The following ZNF469 variants were observed in gnomAD, a reference collection of about 807,000 sequenced individuals.
ZNF469 encodes zinc finger protein 469.
ZNF469 carries 1 observed loss-of-function variant against 1.0 expected under a neutral mutation model. That is an observed-to-expected ratio of 1.00 (90% CI 0.35 to 4.73). The LOEUF is 4.73. Ranked by LOEUF, ZNF469 falls within the 30% of genes most tolerant of loss-of-function variation. ZNF469 has a pLI of 0.16. For synonymous variants in ZNF469, 2,703 were observed against 2,363.4 expected (o/e 1.14, Z -4.17); for missense variants, 6,100 against 5,356.3 (o/e 1.14, Z -4.33).
At chr16:88,156,366 C>T in the ZNF469 span, among the ~76,000 whole-genome samples, 4 of 152,182 alleles carry the variant, frequency 2.6e-5, no homozygotes, top group African/African-American at 4.8e-5. Flanking sequence ...TATAGTCTTA[C>T]GTCTTACATT....
the ZNF469 span, among the ~76,000 whole-genome samples, chr16:88,219,862 C>G: frequency 3.3e-5 from 5 of 152,160 alleles, no homozygotes; most frequent in Non-Finnish European, 7.3e-5. Flanking sequence ...CCAGAAGTGG[C>G]CCTCCGTGGG....
the ZNF469 span, among the ~76,000 whole-genome samples, chr16:88,188,331 G>C: frequency 4.6e-5 from 7 of 152,066 alleles, no homozygotes; most frequent in East Asian, 1.4e-3. Context: ...GCACATCTTG[G>C]GGGACCATCT....
chr16:88,287,616 C>G, the ZNF469 span, among the ~76,000 whole-genome samples: 1 of 152,208 alleles, frequency 6.6e-6, no homozygotes, highest in Non-Finnish European at 1.5e-5. Flanking sequence ...CACTTAAAGC[C>G]TTAAAACATT....
rs1478895170 is a variant in ZNF469 at position 88,429,854 on chromosome 16, A to G, written c.2384A>G (p.Lys795Arg). 6.5e-7 allele frequency: 1 copy of G among 1,549,782 alleles called. No individual in the cohort carries two copies. The highest frequency in any genetic ancestry group is 8.7e-7 in the Non-Finnish European group (1 of 1,146,690). ...DAHAGLLSHA[K>R]TFLLAGDAQA... ...CACGCGGGCTTGCTCAGCCACGCGA[A>G]GACCTTCCTGTTAGCTGGGGACGCC... The change falls in exon 3 of 3, where the codon AAG becomes AGG. Residue 795 changes from lysine (K) to arginine (R), a missense_variant. Physicochemically the swap from Lys to Arg is conservative, Grantham distance 26. Transcript: ENST00000565624.
At chr16:88,363,750 C>T in the ZNF469 span, among the ~76,000 whole-genome samples, 153 of 152,254 alleles carry the variant, frequency 1.0e-3, no homozygotes, top group African/African-American at 3.5e-3. Context: ...CAGAAAACAC[C>T]ACAAATACTC....
At chr16:88,135,522 C>G in the ZNF469 span, among the ~76,000 whole-genome samples, 1 of 152,172 alleles carries the variant, frequency 6.6e-6, no homozygotes, top group African/African-American at 2.4e-5. Flanking sequence ...GGGGTGAAAA[C>G]TTGGGGTGTT....
At chr16:88,337,713 G>T in the ZNF469 span, among the ~76,000 whole-genome samples, 1 of 152,202 alleles carries the variant, frequency 6.6e-6, no homozygotes, top group Non-Finnish European at 1.5e-5. Context: ...CCCCACGGGC[G>T]TCAGGGGCAG....
At chr16:88,238,573 A>G in the ZNF469 span, among the ~76,000 whole-genome samples, 5 of 152,234 alleles carry the variant, frequency 3.3e-5, no homozygotes, top group Non-Finnish European at 5.9e-5. Context: ...GCCACTGTCC[A>G]GGTCCTCTCT....
At chr16:88,319,175 A>G in the ZNF469 span, among the ~76,000 whole-genome samples, 1 of 152,132 alleles carries the variant, frequency 6.6e-6, no homozygotes, top group Non-Finnish European at 1.5e-5. Context: ...CCTCACAGAC[A>G]GATGGAAGAG....
chr16:88,422,928 T>G (rs1905538427), intron 1 of ZNF469, among the ~76,000 whole-genome samples: 1 of 136,072 alleles, frequency 7.3e-6, no homozygotes, highest in African/African-American at 2.8e-5. Context: ...GGATGGGTGA[T>G]GGATGGGTGG....
the ZNF469 span, among the ~76,000 whole-genome samples, chr16:88,366,955 C>A: frequency 6.6e-6 from 1 of 152,098 alleles, no homozygotes; most frequent in African/African-American, 2.4e-5. Context: ...ACAGTGCTAA[C>A]ATGATCTCTG....
At chr16:88,176,109 G>A in the ZNF469 span, among the ~76,000 whole-genome samples, 7 of 152,008 alleles carry the variant, frequency 4.6e-5, no homozygotes, top group South Asian at 1.5e-3. Flanking sequence ...GGGCTGGGGG[G>A]TCTCAGCCTG....
chr16:88,323,635 T>G, the ZNF469 span, among the ~76,000 whole-genome samples: 1 of 152,144 alleles, frequency 6.6e-6, no homozygotes, highest in Admixed American at 6.5e-5. Context: ...AGGATCTCCC[T>G]GACCCCCACT....
chr16:88,251,536 GTCTTTTTTTTTTTT>G, the ZNF469 span, among the ~76,000 whole-genome samples: 1 of 78,796 alleles, frequency 1.3e-5, no homozygotes, highest in African/African-American at 5.3e-5. Context: ...TGTCCCTGCT[GTCTTTTTTTTTTTT>G]TTTTTTTTTT....
intron 1 of ZNF469, among the ~76,000 whole-genome samples, chr16:88,395,039 A>C (rs992345547): frequency 1.5e-4 from 23 of 152,182 alleles, no homozygotes; most frequent in African/African-American, 5.6e-4. Context: ...GTACAGCCTC[A>C]GGTTGGCTCA....
At chr16:88,369,778 C>T in the ZNF469 span, among the ~76,000 whole-genome samples, 77,424 of 151,982 alleles carry the variant, frequency 0.51, 21,655 homozygotes, top group Non-Finnish European at 0.64. Context: ...AGGTGGGGCC[C>T]GCCCTGTGCT....
chr16:88,114,661 G>A, the ZNF469 span, among the ~76,000 whole-genome samples: 7 of 152,202 alleles, frequency 4.6e-5, no homozygotes, highest in Non-Finnish European at 1.0e-4. Context: ...TGGGCGTCTG[G>A]GACCCTGTCT....
At chr16:88,120,254 C>T in the ZNF469 span, among the ~76,000 whole-genome samples, 1 of 152,220 alleles carries the variant, frequency 6.6e-6, no homozygotes, top group Non-Finnish European at 1.5e-5. Context: ...CTGCCTGCCT[C>T]AGCAGAGCCT....
At chr16:88,316,525 G>A in the ZNF469 span, among the ~76,000 whole-genome samples, 2 of 150,072 alleles carry the variant, frequency 1.3e-5, no homozygotes, top group Admixed American at 1.3e-4. Flanking sequence ...TGGCTGGTGA[G>A]CACTGAGTAT....
Sources: allele counts gnomAD v4.1 joint callset (sites outside exome capture counted in the v4.1 genomes callset), GRCh38; gene constraint gnomAD v4.1.1; transcripts MANE v1.5; gene names NCBI Gene and HGNC (gene_info 2026-07-23, HGNC 2026-07-21).